Variants in TSPOAP1 observed in about 807,000 individuals in gnomAD.
TSPOAP1 encodes the protein TSPO associated protein 1, also known as peripheral-type benzodiazepine receptor-associated protein 1.
In TSPOAP1, 87 loss-of-function variants were observed where a neutral mutation model predicts 197.0. The observed-to-expected ratio is 0.44, with a 90% CI of 0.37 to 0.53. The LOEUF is 0.53. TSPOAP1 is among the 20% of genes least tolerant of loss of function. TSPOAP1 has a pLI of 0.00. For synonymous variants in TSPOAP1, 913 were observed against 998.9 expected (o/e 0.91, Z 1.62); for missense variants, 2,174 against 2,411.3 (o/e 0.90, Z 2.06).
chr17:58,310,486 G>A (rs777708196), intron 20 of TSPOAP1, 26 bp downstream of exon 20: 1 of 1,607,908 alleles, frequency 6.2e-7, no homozygotes. Flanking sequence ...TCTCTGAAGT[G>A]ACACAGTGTG....
In TSPOAP1 at chr17:58,324,890, AGCG is replaced by A; in HGVS notation, c.860_862del (p.Thr287_Leu288delinsIle). ...CGGGGGCCAGGACGGCGGGAGCGGG[AGCG>A]TCTCCCGCTGGTTGCGCAGCGCGAT... On this transcript the variant is annotated inframe_deletion, in exon 5 of 32. Coordinates refer to ENST00000343736, the MANE Select transcript of TSPOAP1 (RefSeq NM_004758.4). This position sits in a 1 kb window ranked among gnomAD's most constrained non-coding sequence, Gnocchi z 5.8. The A allele has an allele frequency of 6.5e-7, 1 of 1,532,324 alleles. No homozygotes were observed. Among genetic ancestry groups the A allele is most frequent in the Non-Finnish European group, 8.7e-7 (1 of 1,144,342 alleles). 94.9% of individuals were successfully genotyped at this position (1,532,324 alleles called of 1,614,324 possible).
chr17:58,323,568 G>A (rs1423143240), intron 5 of TSPOAP1, 23 bp from the exon 6 acceptor site: 1 of 1,610,518 alleles, frequency 6.2e-7, no homozygotes, highest in Non-Finnish European at 8.5e-7. Flanking sequence ...AGGGGCAAGG[G>A]GCTGGCACCT....
At chr17:58,325,939 T>C (rs1334560229) in intron 3 of TSPOAP1, among the ~76,000 whole-genome samples, 1 of 152,130 alleles carries the variant, frequency 6.6e-6, no homozygotes, top group Non-Finnish European at 1.5e-5. Context: ...TGCTGCTAAT[T>C]TGGGGCTGCC....
At chr17:58,318,606 T>G (rs1971310478) in intron 13 of TSPOAP1, among the ~76,000 whole-genome samples, 154 bp from the exon 14 acceptor site, 1 of 152,198 alleles carries the variant, frequency 6.6e-6, no homozygotes. Flanking sequence ...TAAATAGAGG[T>G]ATAGCTGATT....
At chr17:58,311,530 G>T in intron 18 of TSPOAP1, 41 bp downstream of exon 18, 1 of 1,522,608 alleles carries the variant, frequency 6.6e-7, no homozygotes, top group South Asian at 1.3e-5. Context: ...AGCAAGAAGG[G>T]ACCCACCCCC....
Position 58,310,148 on chromosome 17 carries a change from G to A in TSPOAP1, c.3710C>T (p.Thr1237Ile). Residue 1237 changes from threonine to isoleucine, a missense_variant, in exon 21 of 32, where the codon ACA (threonine) becomes ATA (isoleucine). Transcript: ENST00000343736. ...CACCAGATGAACCCCAAGCTCTGCT[G>A]TGTCCTCCTTCTGCAAGAAGTGAGG... is the stretch of plus-strand genomic sequence containing the variant. ...GLRPRAEKED[T>I]AELGVHLVNS... is the part of the protein sequence containing the mutation. 6.2e-7 allele frequency: 1 copy of A among 1,612,460 alleles called. No homozygotes were observed. The highest frequency in any genetic ancestry group is 8.5e-7 in the Non-Finnish European group (1 of 1,179,766).
rs140908686 is a variant in TSPOAP1 at position 58,307,037 on chromosome 17, C to A, written c.4984-69G>T. The A allele has an allele frequency of 2.5e-5, 38 of 1,493,462 alleles. No individual in the cohort carries two copies. The African/African-American group carries it at 4.8e-4, about 19-fold the overall frequency. The allele number at this position is 1,493,462 out of a possible 1,614,324, so 92.5% of individuals were successfully genotyped here. The stretch of plus-strand genomic sequence containing the variant: ...TATGCCCCTAGGCCCCGAACCCCAG[C>A]AACACCCCACTTGGAAATGCAGAAG... On this transcript the variant is annotated intron_variant, in intron 24 of 31. Transcript: ENST00000343736.
Position 58,319,098 on chromosome 17 carries a change from C to T in TSPOAP1, c.1691G>A (p.Gly564Asp), listed in dbSNP as rs1271471516. 1 of 1,533,252 alleles carries T rather than the reference C, an allele frequency of 6.5e-7. No homozygotes were observed. Among genetic ancestry groups the T allele is most frequent in the South Asian group, 1.2e-5 (1 of 83,108 alleles). The allele number at this position is 1,533,252 out of a possible 1,614,324, so 95.0% of individuals were successfully genotyped here. A position where few individuals can be genotyped will look rare whatever the true frequency, so the allele number is the denominator to read the frequency against. Residue 564 changes from glycine (G) to aspartate (D), a missense_variant, in exon 13 of 32, where the codon GGC (glycine) becomes GAC (aspartate). By Grantham distance (94) the Gly-to-Asp change is moderately conservative. Coordinates refer to ENST00000343736, the MANE Select transcript of TSPOAP1 (RefSeq NM_004758.4). ...CSIPQPCRGS[G>D]PKDLDLPPGS... ...ACTGGGGTCCACCTTACCTTTGGGG[C>T]CAGACCCCCGGCAAGGCTGGGGAAT...
Position 58,312,391 on chromosome 17 carries a change from G to A in TSPOAP1, c.2430C>T (p.Ala810=), listed in dbSNP as rs752328814. 8 of 1,612,374 alleles carry A rather than the reference G, an allele frequency of 5.0e-6. No homozygotes were observed. In the South Asian group the frequency reaches 8.8e-5, roughly 18 times the overall value. The part of the protein sequence containing the change: ...LKQLAHSVVL[A]WEPPPEQVEL... Reference sequence around the variant, plus strand: ...CCACTTGCTCAGGAGGCGGCTCCCAGGCCAGCACCACGCTGTGGGCCAGCT... The same window carrying A: ...CCACTTGCTCAGGAGGCGGCTCCCAAGCCAGCACCACGCTGTGGGCCAGCT... Residue 810 remains alanine, a synonymous_variant, in exon 17 of 32, where the codon GCC becomes GCT. Coordinates refer to ENST00000343736, the MANE Select transcript of TSPOAP1 (RefSeq NM_004758.4).
chr17:58,304,247 G>T lies in TSPOAP1; in HGVS notation c.*32+91C>A. On this transcript the variant is annotated intron_variant, in intron 31 of 31. Transcript: ENST00000343736. This position sits in a 1 kb window ranked among gnomAD's most constrained non-coding sequence, Gnocchi z 4.2. ...TCCCTGGACTACAGTGGGAAAGCTG[G>T]GTCAGCTCCAGTATTTGAGACAAAG... is the stretch of plus-strand genomic sequence containing the variant. The T allele has an allele frequency of 8.8e-7, 1 of 1,141,896 alleles. No individual in the cohort carries two copies. The highest frequency in any genetic ancestry group is 1.4e-5 in the South Asian group (1 of 72,172). The allele number at this position is 1,141,896 out of a possible 1,614,324, so 70.7% of individuals were successfully genotyped here.
rs1970732163 is a variant in TSPOAP1 at position 58,301,892 on chromosome 17, C to T, written c.*588G>A. On this transcript the variant is annotated 3_prime_UTR_variant, in exon 32 of 32. Coordinates refer to ENST00000343736, the MANE Select transcript of TSPOAP1 (RefSeq NM_004758.4). ...AGGGGGCACAGGCTCCTTTCTCCCT[C>T]CAGGGCCCGTCCTGGGACTGGGAAG... 1 of 162,592 alleles carries T rather than the reference C, an allele frequency of 6.2e-6. No individual in the cohort carries two copies. The highest frequency in any genetic ancestry group is 5.9e-5 in the Admixed American group (1 of 16,840). The allele number at this position is 162,592 out of a possible 1,614,324, so 10.1% of individuals were successfully genotyped here.
At chr17:58,321,379 G>T (rs925719768) in intron 10 of TSPOAP1, among the ~76,000 whole-genome samples, 4 of 151,366 alleles carry the variant, frequency 2.6e-5, no homozygotes, top group Non-Finnish European at 4.4e-5. Context: ...CTCACTGCAA[G>T]CTCTGCCTCC....
intron 31 of TSPOAP1, chr17:58,303,486 A>C (rs1470127783): frequency 6.6e-6 from 1 of 151,886 alleles, no homozygotes; most frequent in African/African-American, 2.4e-5. Context: ...GCCAGAGCCA[A>C]TAGCCGGCTG....
chr17:58,326,538 G>C lies in TSPOAP1; in HGVS notation c.442-117C>G. The C allele has an allele frequency of 6.5e-7, 1 of 1,547,360 alleles. No individual in the cohort carries two copies. Among genetic ancestry groups the C allele is most frequent in the East Asian group, 2.3e-5 (1 of 44,314 alleles). ...CACAGTGGGGTCCTTGGCAACTCTA[G>C]GCAGGGGTTCACCCTCTCTGGGTCT... is the stretch of plus-strand genomic sequence containing the variant. On this transcript the variant is annotated intron_variant, in intron 2 of 31. Transcript: ENST00000343736. The surrounding 1 kb of genome is among the most constrained non-coding windows in gnomAD (Gnocchi z 4.7).
chr17:58,303,027 G>A (rs909597130), intron 31 of TSPOAP1: 2 of 152,318 alleles, frequency 1.3e-5, no homozygotes, highest in African/African-American at 2.4e-5. Context: ...GAGGACTGCC[G>A]GGAGGCCAAG....
chr17:58,320,105 C>G lies in TSPOAP1; in HGVS notation c.1494+4G>C, dbSNP rs758466304. The G allele has an allele frequency of 6.2e-7, 1 of 1,614,024 alleles. No individual in the cohort carries two copies. The highest frequency in any genetic ancestry group is 1.3e-5 in the African/African-American group (1 of 74,900). ...GTGTGGGGAAGTGGAGAACGAGGCG[C>G]TACCTGCATGGAATCCAAGGTAGAC... is the stretch of plus-strand genomic sequence containing the variant. On this transcript the variant is annotated splice_donor_region_variant and intron_variant, in intron 12 of 31. Coordinates refer to ENST00000343736, the MANE Select transcript of TSPOAP1 (RefSeq NM_004758.4).
chr17:58,302,702 AC>A (rs1217746786), intron 31 of TSPOAP1: 2 of 192,866 alleles, frequency 1.0e-5, no homozygotes, highest in African/African-American at 4.8e-5. Context: ...CTCACCTGTG[AC>A]CCTGGGCAGG....
chr17:58,308,479 G>A (rs1970976362), intron 22 of TSPOAP1, 62 bp downstream of exon 22: 2 of 1,486,968 alleles, frequency 1.3e-6, no homozygotes, highest in Non-Finnish European at 1.8e-6. Context: ...CTGGTGGGCA[G>A]CAAGCAGGGC....
At chr17:58,316,269 C>A in intron 15 of TSPOAP1, 137 bp from the exon 16 acceptor site, 1 of 1,055,704 alleles carries the variant, frequency 9.5e-7, no homozygotes, top group Admixed American at 1.9e-5. Flanking sequence ...GCTGAGCCCT[C>A]ACTGCACCCA....
Sources: gnomAD v4.1 joint callset for allele counts (sites outside exome capture counted in the v4.1 genomes callset) on GRCh38, gnomAD v4.1.1 for gene constraint, Gnocchi (gnomAD v3.1) non-coding constraint, MANE v1.5 for transcripts, NCBI Gene and HGNC (gene_info 2026-07-23, HGNC 2026-07-21) for gene names.